Variants in SPC25 observed in about 807,000 individuals in gnomAD.
SPC25 encodes kinetochore protein Spc25.
Under a neutral mutation model 29.6 loss-of-function variants are expected in SPC25, and 22 were observed. The ratio of observed to expected loss-of-function variants is 0.74; its 90% CI spans 0.53 to 1.06. The LOEUF (loss-of-function observed/expected upper bound fraction) is 1.06, where lower values mean the gene tolerates loss of function less well. Among genes scored for constraint, SPC25 ranks in the 50% least tolerant of loss-of-function variants. The pLI is 0.00. For missense variants in SPC25, 230 were observed against 255.8 expected (o/e 0.90, Z 0.69); for synonymous variants, 91 against 90.4 (o/e 1.01, Z -0.04).
rs1362043062 is a variant in SPC25 at position 168,889,405 on chromosome 2, AATCCTTGTAGGT to A, written c.103_114del (p.Thr35_Asp38del). Reference sequence around the variant, plus strand: ...TAGGTACCTGCAAATGCTTTGATGGAATCCTTGTAGGTATCTCTTAGTCCCGCCATCTGACAG... The same window carrying A: ...TAGGTACCTGCAAATGCTTTGATGGAATCTCTTAGTCCCGCCATCTGACAG... On this transcript the variant is annotated inframe_deletion, in exon 2 of 7. Coordinates refer to ENST00000282074, the MANE Select transcript of SPC25 (RefSeq NM_020675.4). 1 of 1,614,172 alleles carries A rather than the reference AATCCTTGTAGGT, an allele frequency of 6.2e-7. No individual in the cohort carries two copies. The highest frequency in any genetic ancestry group is 1.1e-5 in the South Asian group (1 of 91,078).
intron 4 of SPC25, chr2:168,865,012 C>A (rs1299858294): frequency 6.2e-7 from 1 of 1,603,770 alleles, no homozygotes. Context: ...CGGTAATCAA[C>A]AATACAGTGT....
At chr2:168,879,784 C>T (rs1327497338) in intron 3 of SPC25, among the ~76,000 whole-genome samples, 1 of 152,166 alleles carries the variant, frequency 6.6e-6, no homozygotes, top group African/African-American at 2.4e-5. Flanking sequence ...AATAATGAGA[C>T]ATGAAAGTCA....
intron 3 of SPC25, among the ~76,000 whole-genome samples, chr2:168,885,650 C>T (rs1030651071): frequency 1.1e-4 from 16 of 149,096 alleles, no homozygotes; most frequent in Non-Finnish European, 2.1e-4. Flanking sequence ...TCTCATGTTC[C>T]TGCCATATTC....
chr2:168,888,510 G>A (rs981446685), intron 3 of SPC25, among the ~76,000 whole-genome samples: 7 of 151,074 alleles, frequency 4.6e-5, no homozygotes, highest in South Asian at 4.2e-4. Context: ...AGCCAAGATC[G>A]CGCCACTGCA....
chr2:168,863,933 C>CAG (rs1225771098), intron 4 of SPC25, among the ~76,000 whole-genome samples: 1 of 151,210 alleles, frequency 6.6e-6, no homozygotes, highest in East Asian at 1.9e-4. Context: ...TTTTTTGAGG[C>CAG]AGAGTCTTGC....
In SPC25 at chr2:168,873,629, G is replaced by A. The variant is rs781346534; in HGVS notation, c.506C>T (p.Pro169Leu). The change falls in exon 6 of 7, where the codon CCA (proline) becomes CTA (leucine). Residue 169 changes from proline to leucine, a missense_variant. By Grantham distance (98) the Pro-to-Leu change is moderately conservative. Transcript: ENST00000282074. Reference protein sequence around the residue: ...TNIDPKNPESPFMFSLHLNEA... With the variant: ...TNIDPKNPESLFMFSLHLNEA... ...ATTGAGATGTAAGGAAAACATAAAT[G>A]GGCTCTCAGGATTCTTAGGGTCAAT... The A allele has an allele frequency of 2.5e-6, 4 of 1,611,568 alleles. No individual in the cohort carries two copies. The highest frequency in any genetic ancestry group is 3.4e-6 in the Non-Finnish European group (4 of 1,178,310).
At position 168,889,549 on chromosome 2, in the gene SPC25, A is replaced by G. The variant is rs745319757; in HGVS notation, c.-14-16T>C. ...TAGGACAATGCTAAAAACAGAATACATATTGCATTTTTTAAGTTACTGAAA... is the reference window on the plus strand; with the variant it reads ...TAGGACAATGCTAAAAACAGAATACGTATTGCATTTTTTAAGTTACTGAAA... On this transcript the variant is annotated splice_polypyrimidine_tract_variant and intron_variant, in intron 1 of 6. Transcript: ENST00000282074. 1 of 1,600,900 alleles carries G rather than the reference A, an allele frequency of 6.2e-7. No individual in the cohort carries two copies. Among genetic ancestry groups the G allele is most frequent in the South Asian group, 1.1e-5 (1 of 89,548 alleles).
chr2:168,863,423 C>T, intron 4 of SPC25: 2 of 984,990 alleles, frequency 2.0e-6, no homozygotes, highest in Non-Finnish European at 2.4e-6. Flanking sequence ...TGAAAAATCA[C>T]CTCAGAATGA....
downstream of SPC25, among the ~76,000 whole-genome samples, chr2:168,867,898 T>A (rs1574355568): frequency 6.6e-6 from 1 of 150,718 alleles, no homozygotes; most frequent in African/African-American, 2.4e-5. Flanking sequence ...CAACAGAATA[T>A]ACATTTTTTT....
chr2:168,890,089 C>T (rs1017764030), intron 1 of SPC25, among the ~76,000 whole-genome samples: 1 of 152,188 alleles, frequency 6.6e-6, no homozygotes, highest in African/African-American at 2.4e-5. Flanking sequence ...CCCACCAGTA[C>T]TCTGCGACGC....
downstream of SPC25, among the ~76,000 whole-genome samples, chr2:168,866,316 A>G (rs1173768147): frequency 6.6e-6 from 1 of 152,306 alleles, no homozygotes; most frequent in Non-Finnish European, 1.5e-5. Context: ...CCTCAGAAAT[A>G]ATCCCGCATA....
chr2:168,879,561 T>C (rs911764657), intron 3 of SPC25, among the ~76,000 whole-genome samples: 3 of 152,224 alleles, frequency 2.0e-5, no homozygotes, highest in East Asian at 1.9e-4. Context: ...ACTTTCTCCA[T>C]TGAAGTCTTG....
chr2:168,865,676 A>G (rs1203235601), intron 4 of SPC25, among the ~76,000 whole-genome samples: 1 of 152,186 alleles, frequency 6.6e-6, no homozygotes, highest in African/African-American at 2.4e-5. Context: ...GAGGAAGTCA[A>G]ATTGTCCCTG....
downstream of SPC25, among the ~76,000 whole-genome samples, chr2:168,867,373 T>A (rs1264721153): frequency 6.6e-6 from 1 of 152,084 alleles, no homozygotes; most frequent in Non-Finnish European, 1.5e-5. Context: ...AGGACCAAAT[T>A]CACACATGAC....
At chr2:168,889,802 C>T (rs2105841182) in intron 1 of SPC25, among the ~76,000 whole-genome samples, 1 of 152,260 alleles carries the variant, frequency 6.6e-6, no homozygotes, top group Admixed American at 6.5e-5. Flanking sequence ...GACCCTGGGT[C>T]CATTTTCTCA....
At chr2:168,884,536 T>C (rs1690226148) in intron 3 of SPC25, among the ~76,000 whole-genome samples, 1 of 152,232 alleles carries the variant, frequency 6.6e-6, no homozygotes, top group African/African-American at 2.4e-5. Flanking sequence ...TCCATCTTTC[T>C]TGTTCCCAAA....
At chr2:168,863,439 A>G in intron 4 of SPC25, 1 of 985,232 alleles carries the variant, frequency 1.0e-6, no homozygotes, top group Non-Finnish European at 1.2e-6. Context: ...AATGATGCCA[A>G]ATAAAAAGTA....
chr2:168,862,890 G>A (rs1258273425), intron 4 of SPC25, among the ~76,000 whole-genome samples: 1 of 152,192 alleles, frequency 6.6e-6, no homozygotes, highest in Non-Finnish European at 1.5e-5. Context: ...ATGGCTCCCA[G>A]AGCCAATGGA....
At chr2:168,888,462 G>A (rs1290192636) in intron 3 of SPC25, among the ~76,000 whole-genome samples, 1 of 152,150 alleles carries the variant, frequency 6.6e-6, no homozygotes, top group East Asian at 1.9e-4. Flanking sequence ...GGCTGAGGCA[G>A]GAGAGTGGCG....
Sources: gnomAD v4.1 joint callset for allele counts (sites outside exome capture counted in the v4.1 genomes callset) on GRCh38, gnomAD v4.1.1 for gene constraint, MANE v1.5 for transcripts, NCBI Gene and HGNC (gene_info 2026-07-23, HGNC 2026-07-21) for gene names.